The following ADAMTS12 variants were observed in gnomAD, a reference collection of about 807,000 sequenced individuals.
ADAMTS12 encodes ADAM metallopeptidase with thrombospondin type 1 motif 12.
In ADAMTS12, 118 loss-of-function variants were observed where a neutral mutation model predicts 167.8. The ratio of observed to expected loss-of-function variants is 0.70; its 90% CI spans 0.61 to 0.82. The LOEUF (loss-of-function observed/expected upper bound fraction) is 0.82. ADAMTS12 is among the 40% of genes least tolerant of loss of function. The pLI, the probability that ADAMTS12 is intolerant of heterozygous loss-of-function variation, is 0.00. For synonymous variants in ADAMTS12, 704 were observed against 716.9 expected (o/e 0.98, Z 0.29); for missense variants, 1,916 against 1,998.8 (o/e 0.96, Z 0.79).
chr5:33,842,373 T>C (rs1241174086), intron 2 of ADAMTS12, among the ~76,000 whole-genome samples: 1 of 152,236 alleles, frequency 6.6e-6, no homozygotes, highest in African/African-American at 2.4e-5. Context: ...TTACAAATTA[T>C]TCTGCTGAAT....
chr5:33,869,007 G>A (rs1417222198), intron 2 of ADAMTS12, among the ~76,000 whole-genome samples: 4 of 152,186 alleles, frequency 2.6e-5, no homozygotes, highest in Non-Finnish European at 1.5e-5. Flanking sequence ...AGAAATTTGT[G>A]TAAGCAAAGA....
At chr5:33,767,306 G>A in intron 2 of ADAMTS12, among the ~76,000 whole-genome samples, 1 of 152,032 alleles carries the variant, frequency 6.6e-6, no homozygotes, top group East Asian at 1.9e-4. Context: ...TATACTTTCA[G>A]TAAAAATTCT....
chr5:33,851,674 A>G (rs1378511260), intron 2 of ADAMTS12, among the ~76,000 whole-genome samples: 1 of 152,184 alleles, frequency 6.6e-6, no homozygotes, highest in Non-Finnish European at 1.5e-5. Context: ...AGTCCCCCAC[A>G]ATATCCAACC....
At chr5:33,586,164 C>CA (rs1018672025) in intron 18 of ADAMTS12, among the ~76,000 whole-genome samples, 21 of 152,220 alleles carry the variant, frequency 1.4e-4, no homozygotes, top group African/African-American at 5.1e-4. Flanking sequence ...GGTCTCCAGA[C>CA]AAAATCTAGA....
At chr5:33,724,975 G>A (rs1180313130) in intron 3 of ADAMTS12, among the ~76,000 whole-genome samples, 1 of 152,070 alleles carries the variant, frequency 6.6e-6, no homozygotes, top group African/African-American at 2.4e-5. Flanking sequence ...TATAAGACCT[G>A]TCTTGAAATG....
chr5:33,832,508 T>G (rs1748338774), intron 2 of ADAMTS12, among the ~76,000 whole-genome samples: 1 of 152,210 alleles, frequency 6.6e-6, no homozygotes, highest in Admixed American at 6.5e-5. Context: ...TTGAATTCCC[T>G]CTTCTTGTAC....
chr5:33,686,375 C>T (rs7732212), intron 3 of ADAMTS12, among the ~76,000 whole-genome samples: 81,151 of 151,956 alleles, frequency 0.53, 22,255 homozygotes, highest in South Asian at 0.68. Context: ...AGATATCTAC[C>T]GTTAGGTGCT....
intron 8 of ADAMTS12, 122 bp from the exon 9 acceptor site, chr5:33,649,088 C>G (rs1235445651): frequency 1.6e-6 from 2 of 1,230,754 alleles, no homozygotes; most frequent in Non-Finnish European, 2.2e-6. Context: ...TTATTTTTTA[C>G]AAGGCAGAGA....
chr5:33,528,628 A>G (rs567497054), intron 23 of ADAMTS12, among the ~76,000 whole-genome samples: 17 of 152,356 alleles, frequency 1.1e-4, no homozygotes, highest in Non-Finnish European at 2.1e-4. Flanking sequence ...AAGAACTTGT[A>G]TAAGGTTGTC....
At chr5:33,544,986 C>G (rs1306200553) in intron 22 of ADAMTS12, among the ~76,000 whole-genome samples, 1 of 152,170 alleles carries the variant, frequency 6.6e-6, no homozygotes, top group African/African-American at 2.4e-5. Context: ...AAAGCAATGG[C>G]AACAAAAGCC....
chr5:33,545,785 C>T (rs1744943350), intron 22 of ADAMTS12, among the ~76,000 whole-genome samples: 1 of 150,734 alleles, frequency 6.6e-6, no homozygotes, highest in South Asian at 2.1e-4. Flanking sequence ...ACTGCATGTT[C>T]TCACTCATAG....
chr5:33,587,816 C>T (rs1747431552), intron 18 of ADAMTS12, among the ~76,000 whole-genome samples: 1 of 152,022 alleles, frequency 6.6e-6, no homozygotes, highest in South Asian at 2.1e-4. Context: ...TCTCTAAACT[C>T]TGGCCTGTTA....
chr5:33,811,409 G>C (rs1747455770), intron 2 of ADAMTS12, among the ~76,000 whole-genome samples: 2 of 152,264 alleles, frequency 1.3e-5, no homozygotes, highest in African/African-American at 2.4e-5. Context: ...CAATTAGGAT[G>C]GTCACAGCAA....
At chr5:33,566,092 C>T (rs1329317810) in intron 19 of ADAMTS12, among the ~76,000 whole-genome samples, 2 of 152,108 alleles carry the variant, frequency 1.3e-5, no homozygotes, top group Admixed American at 1.3e-4. Flanking sequence ...CATAGGAGCA[C>T]CACCCAGCAG....
chr5:33,676,575 T>C (rs1326289496), intron 5 of ADAMTS12, among the ~76,000 whole-genome samples: 2 of 151,864 alleles, frequency 1.3e-5, no homozygotes, highest in African/African-American at 4.8e-5. Flanking sequence ...TCCTAGCTAC[T>C]TGGAAGGCTG....
At chr5:33,758,074 CAT>C (rs1745227524) in intron 2 of ADAMTS12, among the ~76,000 whole-genome samples, 1 of 152,080 alleles carries the variant, frequency 6.6e-6, no homozygotes, top group African/African-American at 2.4e-5. Context: ...TAAAGGATGT[CAT>C]GTGTATTAAA....
intron 12 of ADAMTS12, among the ~76,000 whole-genome samples, chr5:33,637,065 C>T (rs1740231752): frequency 6.6e-6 from 1 of 152,160 alleles, no homozygotes. Flanking sequence ...TATTCTACTC[C>T]CACTTGGAAT....
chr5:33,777,781 G>A lies in ADAMTS12; in HGVS notation c.490-26233C>T, dbSNP rs1034423743. Among the ~76,000 whole-genome samples the A allele has an allele frequency of 4.6e-5, 7 of 151,658 alleles. No homozygotes were observed. In the South Asian group the frequency reaches 6.2e-4, roughly 13 times the overall value. On this transcript the variant is annotated intron_variant, in intron 2 of 23. Coordinates refer to ENST00000504830, the MANE Select transcript of ADAMTS12 (RefSeq NM_030955.4). ...GGTCTTCTATATAGAAAATCCTAAA[G>A]ACTCCACCAAAAAAAAAGTTACAAC... is the stretch of plus-strand genomic sequence containing the variant.
In ADAMTS12 at chr5:33,616,089, C is replaced by T; in HGVS notation, c.2144-17G>A. 2 of 1,612,184 alleles carry T rather than the reference C, an allele frequency of 1.2e-6. No individual in the cohort carries two copies. Among genetic ancestry groups the T allele is most frequent in the Non-Finnish European group, 1.7e-6 (2 of 1,179,112 alleles). On this transcript the variant is annotated splice_polypyrimidine_tract_variant and intron_variant, in intron 14 of 23. Transcript: ENST00000504830. ...CAACATAACCTAAAGAGAGAAGACA[C>T]AATCATGAAAGAGGCACGCCAGCTT...
Sources: gnomAD v4.1 joint callset for allele counts (sites outside exome capture counted in the v4.1 genomes callset) on GRCh38, gnomAD v4.1.1 for gene constraint, MANE v1.5 for transcripts, NCBI Gene and HGNC (gene_info 2026-07-23, HGNC 2026-07-21) for gene names.